AASDH: variants seen among roughly 807,000 people sequenced by gnomAD.
AASDH encodes the protein beta-alanine-activating enzyme.
Under a neutral mutation model 102.3 loss-of-function variants are expected in AASDH, and 81 were observed. The observed-to-expected ratio is 0.79, with a 90% confidence interval of 0.66 to 0.95. AASDH has a LOEUF of 0.95. Among genes scored for constraint, AASDH ranks in the 40% least tolerant of loss-of-function variants. AASDH has a pLI of 0.00. For synonymous variants in AASDH, 398 were observed against 454.0 expected (o/e 0.88, Z 1.57); for missense variants, 1,203 against 1,266.2 (o/e 0.95, Z 0.76).
At position 56,338,310 on chromosome 4, in the gene AASDH, C is replaced by CTTCTTTCT; in HGVS notation, c.*91_*92insAGAAAGAA. Reference sequence around the variant, plus strand: ...TTCCGTTTCTTAGCCAAAATATAATCTTCTTTAATATAAAATAAGTCCACA... The same window carrying CTTCTTTCT: ...TTCCGTTTCTTAGCCAAAATATAATCTTCTTTCTTTCTTTAATATAAAATAAGTCCACA... On this transcript the variant is annotated 3_prime_UTR_variant, in exon 15 of 15. Coordinates refer to ENST00000205214, the MANE Select transcript of AASDH (RefSeq NM_181806.4). 2 of 1,360,750 alleles carry CTTCTTTCT rather than the reference C, an allele frequency of 1.5e-6. No individual in the cohort carries two copies. The highest frequency in any genetic ancestry group is 2.4e-4 in the Middle Eastern group (1 of 4,130). The allele number at this position is 1,360,750 out of a possible 1,614,324, so 84.3% of individuals were successfully genotyped here. A position where few individuals can be genotyped will look rare whatever the true frequency, so the allele number is the denominator to read the frequency against.
chr4:56,349,377 GAGAAT>G lies in AASDH; in HGVS notation c.2369_2373del (p.His790ProfsTer2), dbSNP rs1748700896. The G allele has an allele frequency of 9.9e-6, 16 of 1,614,008 alleles. No homozygotes were observed. The highest frequency in any genetic ancestry group is 1.3e-5 in the Non-Finnish European group (15 of 1,180,026). On this transcript the variant is annotated frameshift_variant, in exon 11 of 15. Coordinates refer to ENST00000205214, the MANE Select transcript of AASDH (RefSeq NM_181806.4). LOFTEE classifies it high-confidence loss of function. ...TAAAAGTCAACTGCCTTCATTCTATGAGAATGGGAACCAATGTACACAGTTGTAGA... is the reference window on the plus strand; with the variant it reads ...TAAAAGTCAACTGCCTTCATTCTATGGGGAACCAATGTACACAGTTGTAGA...
chr4:56,350,090 G>T (rs541265003), intron 10 of AASDH, 32 bp from the exon 11 acceptor site: 1 of 1,505,472 alleles, frequency 6.6e-7, no homozygotes, highest in Non-Finnish European at 8.8e-7. Flanking sequence ...AATATGTGAC[G>T]TAAAGGTCTA....
chr4:56,386,125 T>G (rs751440417), intron 1 of AASDH, among the ~76,000 whole-genome samples: 3 of 152,192 alleles, frequency 2.0e-5, no homozygotes, highest in Non-Finnish European at 4.4e-5. Context: ...AAGGCAACTT[T>G]AGTACTTACA....
intron 5 of AASDH, chr4:56,356,744 C>T: frequency 1.4e-6 from 1 of 719,942 alleles, no homozygotes; most frequent in Non-Finnish European, 2.5e-6. Flanking sequence ...GTCGCCTTCA[C>T]ACAGGTTAAC....
chr4:56,358,640 G>C (rs1749907910), intron 5 of AASDH, among the ~76,000 whole-genome samples: 1 of 151,766 alleles, frequency 6.6e-6, no homozygotes, highest in Non-Finnish European at 1.5e-5. Context: ...TCTTTACGTA[G>C]TATACATCAT....
In AASDH at chr4:56,343,659, T is replaced by G; in HGVS notation, c.2678A>C (p.Lys893Thr). The change falls in exon 13 of 15, where the codon AAA (lysine) becomes ACA (threonine). Residue 893 changes from lysine to threonine, a missense_variant. Lys to Thr is a moderately conservative substitution (Grantham distance 78). Transcript: ENST00000205214. ...IYRKKCVWKS[K>T]CGGTVFSSPC... ...AGAGGAAAAGACAGTTCCTCCACAT[T>G]TTGACTTCCAAACACACTTCTTTCT... 1 of 1,610,204 alleles carries G rather than the reference T, an allele frequency of 6.2e-7. No individual in the cohort carries two copies. Among genetic ancestry groups the G allele is most frequent in the Non-Finnish European group, 8.5e-7 (1 of 1,178,278 alleles).
chr4:56,344,575 A>G lies in AASDH; in HGVS notation c.2652+552T>C, dbSNP rs982121225. Among the ~76,000 whole-genome samples, 4 of 152,158 alleles carry G rather than the reference A, an allele frequency of 2.6e-5. No homozygotes were observed. The South Asian group carries it at 8.3e-4, about 32-fold the overall frequency. ...CACTTTTTTTACATTTATTTCAAAAATTTTCCCAGCTTAATTTCATAATTC... is the reference window on the plus strand; with the variant it reads ...CACTTTTTTTACATTTATTTCAAAAGTTTTCCCAGCTTAATTTCATAATTC... On this transcript the variant is annotated intron_variant, in intron 12 of 14. Coordinates refer to ENST00000205214, the MANE Select transcript of AASDH (RefSeq NM_181806.4).
rs1318076436 is a variant in AASDH, at chr4:56,354,156, T to C, written c.1266A>G (p.Thr422=). The change falls in exon 8 of 15, where the codon ACA becomes ACG. Residue 422 remains threonine (T), a synonymous_variant. Transcript: ENST00000205214. ...TCACAAAGTCTCCTGTAGCTCGCATTGTGCCAAGTGGTACTGTCACTTCAT... is the reference window on the plus strand; with the variant it reads ...TCACAAAGTCTCCTGTAGCTCGCATCGTGCCAAGTGGTACTGTCACTTCAT... ...LDDEVTVPLG[T]MRATGDFVTV... 2 of 1,611,640 alleles carry C rather than the reference T, an allele frequency of 1.2e-6. No individual in the cohort carries two copies. Among genetic ancestry groups the C allele is most frequent in the African/African-American group, 2.7e-5 (2 of 74,896 alleles).
chr4:56,367,173 A>C (rs904496601), intron 5 of AASDH, among the ~76,000 whole-genome samples: 23 of 152,138 alleles, frequency 1.5e-4, no homozygotes, highest in African/African-American at 4.3e-4. Flanking sequence ...ACGTGAAGGA[A>C]CTCTTCAAGG....
At position 56,366,489 on chromosome 4, in the gene AASDH, G is replaced by A. The variant is rs544305680; in HGVS notation, c.861+4962C>T. Among the ~76,000 whole-genome samples, 6 of 152,036 alleles carry A rather than the reference G, an allele frequency of 3.9e-5. No individual in the cohort carries two copies. The South Asian group carries it at 1.2e-3, about 32-fold the overall frequency. On this transcript the variant is annotated intron_variant, in intron 5 of 14. Transcript: ENST00000205214. The stretch of plus-strand genomic sequence containing the variant: ...ATCCTCAATAAAATACTGGCAAACC[G>A]AATCCAGCAGCACATCAAAAAGCTT...
In AASDH at chr4:56,349,942, A is replaced by T. The variant is rs1336860281; in HGVS notation, c.1809T>A (p.Val603=). ...CCAGAAGCCCAGGTACTGATGTACC[A>T]ACAAGTTTTTCAATCTCACTGAGGA... ...IRLLSEIEKL[V]GTSVPGLLEI... The change falls in exon 11 of 15, where the codon GTT becomes GTA. Residue 603 remains valine (V), a synonymous_variant. Transcript: ENST00000205214. The T allele has an allele frequency of 1.9e-6, 3 of 1,613,922 alleles. No homozygotes were observed. In the African/African-American group the frequency reaches 4.0e-5, roughly 22 times the overall value.
At chr4:56,366,374 G>A (rs1340866220) in intron 5 of AASDH, among the ~76,000 whole-genome samples, 4 of 152,148 alleles carry the variant, frequency 2.6e-5, no homozygotes, top group Non-Finnish European at 5.9e-5. Flanking sequence ...ATTTTATGAG[G>A]CCAGCATCAT....
intron 2 of AASDH, 152 bp downstream of exon 2, chr4:56,383,918 T>TA (rs55746359): frequency 0.68 from 334,448 of 494,830 alleles, 114,064 homozygotes; most frequent in Admixed American, 0.76. Flanking sequence ...AAAATAATAC[T>TA]GGGGAAATGC....
rs1480597055 is a variant in AASDH, at chr4:56,387,470, C to G, written c.-151G>C. ...CAGCTCCCAGAAGCCGTAAAGCTAT[C>G]CCAGAGCGAGGCACCATACGTAAAT... On this transcript the variant is annotated 5_prime_UTR_variant, in exon 1 of 15. Coordinates refer to ENST00000205214, the MANE Select transcript of AASDH (RefSeq NM_181806.4). 1 of 152,234 alleles carries G rather than the reference C, an allele frequency of 6.6e-6. No homozygotes were observed. 9.4% of individuals were successfully genotyped at this position (152,234 alleles called of 1,614,324 possible).
chr4:56,385,948 A>G (rs56988045), intron 1 of AASDH, among the ~76,000 whole-genome samples: 2,413 of 149,848 alleles, frequency 0.016, 75 homozygotes, highest in African/African-American at 0.056. Context: ...TTTTTAATTT[A>G]TTCACACCTA....
At chr4:56,365,681 G>T (rs902811892) in intron 5 of AASDH, among the ~76,000 whole-genome samples, 1 of 152,152 alleles carries the variant, frequency 6.6e-6, no homozygotes, top group Non-Finnish European at 1.5e-5. Flanking sequence ...CGAGAACAAA[G>T]ACACAACATA....
At chr4:56,364,891 G>C (rs1178874622) in intron 5 of AASDH, among the ~76,000 whole-genome samples, 1 of 152,106 alleles carries the variant, frequency 6.6e-6, no homozygotes, top group Admixed American at 6.6e-5. Context: ...ATGTAAATGG[G>C]CTAAATGCTC....
intron 4 of AASDH, among the ~76,000 whole-genome samples, chr4:56,372,734 G>A (rs1560607229): frequency 6.6e-6 from 1 of 152,028 alleles, no homozygotes; most frequent in Non-Finnish European, 1.5e-5. Flanking sequence ...CCATCATAAG[G>A]CTCACAGCCC....
chr4:56,381,010 A>C (rs1200962665), intron 3 of AASDH, among the ~76,000 whole-genome samples: 1 of 152,192 alleles, frequency 6.6e-6, no homozygotes, highest in African/African-American at 2.4e-5. Context: ...CATCATCAAA[A>C]TCATGGGATA....
Sources: gnomAD v4.1 joint callset for allele counts (sites outside exome capture counted in the v4.1 genomes callset) on GRCh38, gnomAD v4.1.1 for gene constraint, MANE v1.5 for transcripts, NCBI Gene and HGNC (gene_info 2026-07-23, HGNC 2026-07-21) for gene names.